ATXN2: variants seen among roughly 807,000 people sequenced by gnomAD.
ATXN2 encodes the protein ataxin-2.
In ATXN2, 37 loss-of-function variants were observed where a neutral mutation model predicts 138.6. The ratio of observed to expected loss-of-function variants is 0.27; its 90% CI spans 0.21 to 0.35. The LOEUF (loss-of-function observed/expected upper bound fraction) is 0.35. Ranked by LOEUF, ATXN2 falls within the 10% of genes least tolerant of loss-of-function variation. ATXN2 has a pLI of 1.00. For missense variants in ATXN2, 1,216 were observed against 1,480.3 expected, an observed-to-expected ratio of 0.82 and a Z score of 2.93; for synonymous variants, 549 against 543.7, an observed-to-expected ratio of 1.01 and a Z score of -0.13.
chr12:111,461,482 T>TA (rs1294615815), intron 21 of ATXN2, among the ~76,000 whole-genome samples: 2 of 150,612 alleles, frequency 1.3e-5, no homozygotes, highest in African/African-American at 4.9e-5. Context: ...AAAAATAAAA[T>TA]AAACAAATAA....
At chr12:111,474,078 A>G (rs1232646029) in intron 18 of ATXN2, among the ~76,000 whole-genome samples, 2 of 152,314 alleles carry the variant, frequency 1.3e-5, no homozygotes, top group East Asian at 1.9e-4. Context: ...AAAATTAGCC[A>G]GGTATGGTGG....
In ATXN2 at chr12:111,577,256, AT is replaced by A. The variant is rs566613145; in HGVS notation, c.252-21338del. Among the ~76,000 whole-genome samples, 705 of 151,610 alleles carry A rather than the reference AT, an allele frequency of 4.7e-3. 7 individuals carry two copies. Among genetic ancestry groups the A allele is most frequent in the African/African-American group, 0.016 (647 of 41,160 alleles). ...ATAAACACATGCACCGCATGTTTCAATTATTTATTTATTTATTTATTTATTT... is the reference window on the plus strand; with the variant it reads ...ATAAACACATGCACCGCATGTTTCAATATTTATTTATTTATTTATTTATTT... On this transcript the variant is annotated intron_variant, in intron 1 of 24. Transcript: ENST00000673436.
intron 14 of ATXN2, among the ~76,000 whole-genome samples, chr12:111,504,400 C>T (rs919753927): frequency 4.6e-5 from 7 of 152,194 alleles, no homozygotes; most frequent in African/African-American, 7.2e-5. Context: ...GAATCTCCTG[C>T]CTCAGCCACT....
At chr12:111,534,983 C>T (rs1440017723) in intron 5 of ATXN2, among the ~76,000 whole-genome samples, 5 of 151,478 alleles carry the variant, frequency 3.3e-5, no homozygotes, top group Admixed American at 6.6e-5. Context: ...AAAAACTAAA[C>T]TAAAAAAAAC....
chr12:111,522,596 C>T (rs994386051), intron 6 of ATXN2, among the ~76,000 whole-genome samples: 29 of 151,156 alleles, frequency 1.9e-4, no homozygotes, highest in Admixed American at 1.4e-3. Context: ...GGCGACAGAG[C>T]GAGACTCCAT....
chr12:111,488,745 T>A lies in ATXN2; in HGVS notation c.1971A>T (p.Gln657His). The change falls in exon 15 of 25, where the codon CAA becomes CAT. Residue 657 changes from glutamine to histidine, a missense_variant. Gln to His is a conservative substitution (Grantham distance 24). Transcript: ENST00000673436. ...CTCCCTCTCTATTTTTGTTTAGTAG[T>A]TGATCCATAGATTCAGAAGTAGAAC... ...QPSSTSESMD[Q>H]LLNKNREGEK... 1 of 1,609,770 alleles carries A rather than the reference T, an allele frequency of 6.2e-7. No individual in the cohort carries two copies. The highest frequency in any genetic ancestry group is 8.5e-7 in the Non-Finnish European group (1 of 1,177,058).
intron 1 of ATXN2, among the ~76,000 whole-genome samples, chr12:111,577,979 T>C (rs918584429): frequency 3.3e-5 from 5 of 151,316 alleles, no homozygotes; most frequent in African/African-American, 9.7e-5. Flanking sequence ...GTGGATCACC[T>C]GAGGTCAGGA....
chr12:111,572,791 T>C (rs768637677), intron 1 of ATXN2, among the ~76,000 whole-genome samples: 3 of 152,122 alleles, frequency 2.0e-5, no homozygotes, highest in Non-Finnish European at 2.9e-5. Flanking sequence ...GCCCCAGACT[T>C]TGCAGCCTAC....
chr12:111,521,192 T>A (rs971116002), intron 6 of ATXN2, among the ~76,000 whole-genome samples: 3 of 152,220 alleles, frequency 2.0e-5, no homozygotes, highest in African/African-American at 7.2e-5. Context: ...TGAGCAGTTA[T>A]TTTTAAAGTT....
intron 1 of ATXN2, among the ~76,000 whole-genome samples, chr12:111,597,540 T>C (rs188610272): frequency 2.3e-4 from 35 of 152,290 alleles, no homozygotes; most frequent in Non-Finnish European, 4.1e-4. Context: ...CACAATGGAA[T>C]GGAGTCTATT....
chr12:111,535,295 T>C (rs189636262), intron 5 of ATXN2, among the ~76,000 whole-genome samples: 5 of 152,232 alleles, frequency 3.3e-5, no homozygotes, highest in Admixed American at 2.0e-4. Context: ...GTTAGTAAGG[T>C]AGATTCTTCA....
intron 5 of ATXN2, among the ~76,000 whole-genome samples, chr12:111,526,279 C>A (rs1032695416): frequency 7.9e-5 from 12 of 151,708 alleles, no homozygotes; most frequent in African/African-American, 2.9e-4. Context: ...TCGTTTGAAC[C>A]CGGGAGGTGG....
rs1282710822 is a variant in ATXN2 at position 111,516,357 on chromosome 12, G to A, written c.1172C>T (p.Pro391Leu). 3 of 1,576,828 alleles carry A rather than the reference G, an allele frequency of 1.9e-6. No homozygotes were observed. The highest frequency in any genetic ancestry group is 1.4e-5 in the African/African-American group (1 of 73,080). ...AGGAGATGGGCAAGGCGATGGCCAG[G>A]GAACACCTGACAGAACAAATGATAT... ...SDQRVVNGGVPWPSPCPSPSS... is the reference protein window; with the variant it reads ...SDQRVVNGGVLWPSPCPSPSS... Residue 391 changes from proline (P) to leucine (L), a missense_variant, in exon 10 of 25, where the codon CCC (proline) becomes CTC (leucine). By Grantham distance (98) the Pro-to-Leu change is moderately conservative. This residue lies in a region of ATXN2 where 401 missense variants were observed against 528.1 expected (regional missense o/e 0.76). Coordinates refer to ENST00000673436, the MANE Select transcript of ATXN2 (RefSeq NM_001372574.1). The surrounding 1 kb of genome is among the most constrained non-coding windows in gnomAD (Gnocchi z 5.0).
chr12:111,491,757 T>C (rs1878048795), intron 14 of ATXN2, among the ~76,000 whole-genome samples: 1 of 152,182 alleles, frequency 6.6e-6, no homozygotes, highest in Non-Finnish European at 1.5e-5. Flanking sequence ...CCATGTCGTA[T>C]TGTGCCAGCT....
At position 111,598,077 on chromosome 12, in the gene ATXN2, G is replaced by C; in HGVS notation, c.251+707C>G. 8.8e-7 allele frequency: 1 copy of C among 1,141,410 alleles called. No homozygotes were observed. The highest frequency in any genetic ancestry group is 1.1e-6 in the Non-Finnish European group (1 of 914,664). 70.7% of individuals were successfully genotyped at this position (1,141,410 alleles called of 1,614,324 possible). The stretch of plus-strand genomic sequence containing the variant: ...CCCAGGTGGGGGAGGGTGGAACGCT[G>C]CCGGAGGCCACATGGAGCCCCACGA... On this transcript the variant is annotated intron_variant, in intron 1 of 24. Transcript: ENST00000673436. This position sits in a 1 kb window ranked among gnomAD's most constrained non-coding sequence, Gnocchi z 4.5.
intron 18 of ATXN2, among the ~76,000 whole-genome samples, chr12:111,484,720 G>A (rs2135697437): frequency 6.6e-6 from 1 of 151,538 alleles, no homozygotes; most frequent in Non-Finnish European, 1.5e-5. Context: ...ACAGGCATAA[G>A]CCACCATGCC....
intron 6 of ATXN2, among the ~76,000 whole-genome samples, chr12:111,522,596 C>A (rs994386051): frequency 6.6e-6 from 1 of 151,038 alleles, no homozygotes; most frequent in South Asian, 2.1e-4. Flanking sequence ...GGCGACAGAG[C>A]GAGACTCCAT....
intron 5 of ATXN2, among the ~76,000 whole-genome samples, chr12:111,532,496 AAAT>A (rs1183088860): frequency 6.6e-6 from 1 of 152,146 alleles, no homozygotes; most frequent in African/African-American, 2.4e-5. Flanking sequence ...TATATACATA[AAAT>A]AATAATTTGA....
At chr12:111,548,052 G>A (rs1457240125) in intron 5 of ATXN2, among the ~76,000 whole-genome samples, 1 of 151,802 alleles carries the variant, frequency 6.6e-6, no homozygotes, top group Admixed American at 6.6e-5. Flanking sequence ...AATTACCCGG[G>A]TGTGGTGGTA....
Sources: allele counts gnomAD v4.1 joint callset (sites outside exome capture counted in the v4.1 genomes callset), GRCh38; gene constraint gnomAD v4.1.1; regional missense constraint gnomAD v4.1.1; non-coding constraint Gnocchi (gnomAD v3.1); transcripts MANE v1.5; gene names NCBI Gene and HGNC (gene_info 2026-07-23, HGNC 2026-07-21).